The following GRM7 variants were observed in gnomAD, a reference collection of about 807,000 sequenced individuals.
GRM7 encodes the protein metabotropic glutamate receptor 7.
GRM7 carries 35 observed loss-of-function variants against 84.5 expected under a neutral mutation model. The observed-to-expected ratio is 0.41, with a 90% CI of 0.32 to 0.55. The LOEUF (loss-of-function observed/expected upper bound fraction) is 0.55. GRM7 is among the 20% of genes least tolerant of loss of function. The pLI is 0.19. For synonymous variants in GRM7, 487 were observed against 455.1 expected (o/e 1.07, Z -0.89); for missense variants, 1,003 against 1,194.6 (o/e 0.84, Z 2.36).
intron 1 of GRM7, among the ~76,000 whole-genome samples, chr3:7,114,977 G>A (rs6799667): frequency 0.26 from 40,136 of 152,008 alleles, 6,232 homozygotes; most frequent in African/African-American, 0.44. Flanking sequence ...GAGCTCGGAT[G>A]AGGTAGTGAA....
chr3:7,459,168 G>A (rs1166638291), intron 6 of GRM7, among the ~76,000 whole-genome samples: 2 of 152,108 alleles, frequency 1.3e-5, no homozygotes, highest in Non-Finnish European at 1.5e-5. Context: ...ATGGTGCTTT[G>A]GCCACACACA....
intron 4 of GRM7, among the ~76,000 whole-genome samples, chr3:7,326,392 A>G (rs1359090600): frequency 2.0e-5 from 3 of 152,114 alleles, no homozygotes; most frequent in African/African-American, 7.2e-5. Context: ...ATTACATAGC[A>G]AGTGATTATA....
chr3:6,901,458 C>T (rs773063631), intron 1 of GRM7, among the ~76,000 whole-genome samples: 4 of 151,640 alleles, frequency 2.6e-5, no homozygotes, highest in Non-Finnish European at 2.9e-5. Context: ...ATTAGCTGAG[C>T]GTGGTGGTGC....
At chr3:7,456,761 T>C (rs112239754) in intron 6 of GRM7, among the ~76,000 whole-genome samples, 4 of 152,212 alleles carry the variant, frequency 2.6e-5, no homozygotes, top group African/African-American at 7.2e-5. Context: ...TCTGAGGATA[T>C]ATTTTTCTTC....
intron 9 of GRM7, among the ~76,000 whole-genome samples, chr3:7,700,966 G>A (rs1199060672): frequency 6.6e-6 from 1 of 152,192 alleles, no homozygotes; most frequent in Non-Finnish European, 1.5e-5. Flanking sequence ...TTAACAGAAA[G>A]CAAGCATCCA....
intron 1 of GRM7, among the ~76,000 whole-genome samples, chr3:7,114,441 C>T (rs903190855): frequency 6.6e-6 from 1 of 152,068 alleles, no homozygotes; most frequent in Non-Finnish European, 1.5e-5. Flanking sequence ...TCTGGTGACC[C>T]CCTGATAAAC....
At position 7,677,252 on chromosome 3, in the gene GRM7, A is replaced by G. The variant is rs111650561; in HGVS notation, c.2452-2797A>G. On this transcript the variant is annotated intron_variant, in intron 8 of 9. Transcript: ENST00000357716. ...TCTCCAACCTGGGCAATAGAGGGAG[A>G]CTCTGTCTTTAAAAAAAAAAAAAAA... is the stretch of plus-strand genomic sequence containing the variant. 5.7e-3 allele frequency among the ~76,000 whole-genome samples: 727 copies of G among 127,800 alleles called. 5 individuals carry two copies. Among genetic ancestry groups the G allele is most frequent in the African/African-American group, 0.023 (701 of 31,078 alleles). The allele number at this position is 127,800 out of a possible 152,430, so 83.8% of individuals were successfully genotyped here.
At chr3:6,980,545 T>A (rs972998749) in intron 1 of GRM7, among the ~76,000 whole-genome samples, 1 of 152,214 alleles carries the variant, frequency 6.6e-6, no homozygotes, top group South Asian at 2.1e-4. Flanking sequence ...AGAGATCAGA[T>A]CTTTATACTT....
intron 1 of GRM7, chr3:6,893,138 A>C (rs1696035962): frequency 6.6e-6 from 1 of 152,136 alleles, no homozygotes; most frequent in Non-Finnish European, 1.5e-5. Context: ...AATATCCTCG[A>C]GGGTCAAAAA....
intron 1 of GRM7, among the ~76,000 whole-genome samples, chr3:7,044,403 G>A (rs1425807497): frequency 1.3e-5 from 2 of 152,152 alleles, no homozygotes; most frequent in Non-Finnish European, 2.9e-5. Flanking sequence ...GTGGTGGAAC[G>A]AGAGGTGATC....
intron 1 of GRM7, among the ~76,000 whole-genome samples, chr3:6,910,582 A>T (rs1299124294): frequency 1.3e-5 from 2 of 152,120 alleles, no homozygotes; most frequent in East Asian, 3.9e-4. Flanking sequence ...CTATAAAAGG[A>T]GTGTTCTCTT....
chr3:6,965,839 A>G (rs190725365), intron 1 of GRM7, among the ~76,000 whole-genome samples: 31 of 152,280 alleles, frequency 2.0e-4, no homozygotes, highest in Admixed American at 1.0e-3. Context: ...GAGTGGTGCT[A>G]TTGAGGGGTC....
At chr3:7,638,515 T>A (rs1353341977) in intron 8 of GRM7, among the ~76,000 whole-genome samples, 1 of 152,172 alleles carries the variant, frequency 6.6e-6, no homozygotes, top group African/African-American at 2.4e-5. Flanking sequence ...CTACTGTCAG[T>A]CACACCCACT....
At chr3:7,150,712 G>T (rs1435958496) in intron 2 of GRM7, among the ~76,000 whole-genome samples, 4 of 152,168 alleles carry the variant, frequency 2.6e-5, no homozygotes, top group African/African-American at 9.7e-5. Flanking sequence ...GGGAAGGAAA[G>T]AAAATCCACT....
chr3:7,132,203 A>T (rs578053394), intron 1 of GRM7, among the ~76,000 whole-genome samples: 6 of 152,234 alleles, frequency 3.9e-5, no homozygotes, highest in Non-Finnish European at 7.3e-5. Context: ...TTACTGAGAA[A>T]CAATAACCAT....
At chr3:7,091,438 T>C (rs1184230134) in intron 1 of GRM7, among the ~76,000 whole-genome samples, 1 of 152,114 alleles carries the variant, frequency 6.6e-6, no homozygotes. Context: ...ACCTTGTAAA[T>C]GGCTGCAAAG....
intron 8 of GRM7, among the ~76,000 whole-genome samples, chr3:7,658,026 A>C (rs1699278509): frequency 6.6e-6 from 1 of 152,178 alleles, no homozygotes; most frequent in Admixed American, 6.5e-5. Context: ...TAATTACTAA[A>C]CCAGAATTGA....
chr3:7,347,324 C>G (rs144084498), intron 4 of GRM7, among the ~76,000 whole-genome samples: 2 of 152,030 alleles, frequency 1.3e-5, no homozygotes, highest in Non-Finnish European at 2.9e-5. Flanking sequence ...ATTTTATGTT[C>G]TTGAGCAAAA....
intron 8 of GRM7, among the ~76,000 whole-genome samples, chr3:7,602,411 T>A (rs1271581373): frequency 6.6e-6 from 1 of 152,170 alleles, no homozygotes; most frequent in Non-Finnish European, 1.5e-5. Context: ...TAATTTAGTA[T>A]CCATCTCTCT....
Sources: gnomAD v4.1 joint callset for allele counts (sites outside exome capture counted in the v4.1 genomes callset) on GRCh38, gnomAD v4.1.1 for gene constraint, MANE v1.5 for transcripts, NCBI Gene and HGNC (gene_info 2026-07-23, HGNC 2026-07-21) for gene names.